TNRC6B: variants seen among roughly 807,000 people sequenced by gnomAD.
The protein encoded by TNRC6B is trinucleotide repeat-containing gene 6B protein.
TNRC6B carries 52 observed loss-of-function variants against 203.6 expected under a neutral mutation model. That is an observed-to-expected ratio of 0.26 (90% CI 0.20 to 0.32). TNRC6B has a LOEUF of 0.32. TNRC6B is among the 10% of genes least tolerant of loss of function. TNRC6B has a pLI of 1.00. For missense variants in TNRC6B, 1,923 were observed against 2,286.2 expected, an observed-to-expected ratio of 0.84 and a Z score of 3.24; for synonymous variants, 838 against 845.7, an observed-to-expected ratio of 0.99 and a Z score of 0.16.
intron 3 of TNRC6B, among the ~76,000 whole-genome samples, chr22:40,261,532 T>G (rs2070381914): frequency 6.6e-6 from 1 of 151,700 alleles, no homozygotes; most frequent in Non-Finnish European, 1.5e-5. Context: ...GAGCGGAGAT[T>G]GCACCACTGC....
intron 20 of TNRC6B, 131 bp downstream of exon 20, chr22:40,315,638 G>A: frequency 1.9e-6 from 2 of 1,077,828 alleles, no homozygotes; most frequent in Non-Finnish European, 2.6e-6. Context: ...TTCTGGTAGA[G>A]GAAAAGGTAC....
intron 1 of TNRC6B, among the ~76,000 whole-genome samples, chr22:40,096,428 C>T (rs1008676276): frequency 2.0e-5 from 3 of 152,174 alleles, no homozygotes; most frequent in African/African-American, 4.8e-5. Flanking sequence ...ATTAACTGAG[C>T]CCTGGATCAA....
At chr22:40,272,060 T>C (rs1338296796) in intron 6 of TNRC6B, among the ~76,000 whole-genome samples, 1 of 152,230 alleles carries the variant, frequency 6.6e-6, no homozygotes, top group African/African-American at 2.4e-5. Flanking sequence ...TTATTTATAT[T>C]GGGTTTTTAG....
At position 40,334,300 on chromosome 22, in the gene TNRC6B, G is replaced by C. The variant is rs1026265402; in HGVS notation, c.*11059G>C. 2.0e-5 allele frequency: 3 copies of C among 152,574 alleles called. No homozygotes were observed. The highest frequency in any genetic ancestry group is 7.2e-5 in the African/African-American group (3 of 41,412). 9.5% of individuals were successfully genotyped at this position (152,574 alleles called of 1,614,324 possible). A position where few individuals can be genotyped will look rare whatever the true frequency, so the allele number is the denominator to read the frequency against. On this transcript the variant is annotated 3_prime_UTR_variant, in exon 23 of 23. Coordinates refer to ENST00000454349, the MANE Select transcript of TNRC6B (RefSeq NM_001162501.2). Reference sequence around the variant, plus strand: ...CATGCACCGTGAATGTGCTCACAGAGACACGTGCACAAGATTCTGCACCCT... The same window carrying C: ...CATGCACCGTGAATGTGCTCACAGACACACGTGCACAAGATTCTGCACCCT...
chr22:40,166,710 C>T (rs2068922708), intron 4 of TNRC6B, among the ~76,000 whole-genome samples: 1 of 152,002 alleles, frequency 6.6e-6, no homozygotes, highest in South Asian at 2.1e-4. Flanking sequence ...GCCTGGCCAA[C>T]ATGGTGAAAC....
intron 1 of TNRC6B, among the ~76,000 whole-genome samples, chr22:40,219,536 T>A (rs1353815292): frequency 6.6e-6 from 1 of 152,128 alleles, no homozygotes; most frequent in East Asian, 1.9e-4. Flanking sequence ...GTTCAGGCAT[T>A]CACCGTGCCC....
intron 3 of TNRC6B, among the ~76,000 whole-genome samples, chr22:40,251,898 G>C (rs1178461788): frequency 6.6e-6 from 1 of 152,088 alleles, no homozygotes; most frequent in Non-Finnish European, 1.5e-5. Context: ...TTGCACCTAG[G>C]ATGTTTACTC....
At chr22:40,211,994 A>G (rs1018888633) in intron 1 of TNRC6B, among the ~76,000 whole-genome samples, 3 of 152,230 alleles carry the variant, frequency 2.0e-5, no homozygotes, top group Non-Finnish European at 2.9e-5. Context: ...TTTTGCAATT[A>G]CAAATGTGGT....
intron 8 of TNRC6B, 43 bp from the exon 9 acceptor site, chr22:40,277,956 A>G: frequency 6.9e-7 from 1 of 1,441,526 alleles, no homozygotes; most frequent in Non-Finnish European, 9.6e-7. Flanking sequence ...TGATTCAAAG[A>G]TGTGCATCCT....
At chr22:40,222,728 CTTTTTTTTTTTTTTTTTTTT>C (rs61374373) in intron 1 of TNRC6B, among the ~76,000 whole-genome samples, 5 of 40,184 alleles carry the variant, frequency 1.2e-4, no homozygotes, top group African/African-American at 5.1e-4. Context: ...CTCTCTCTCT[CTTTTTTTTTTTTTTTTTTTT>C]TTTTTTTTTT....
chr22:40,307,642 C>T (rs1222529889), intron 15 of TNRC6B, among the ~76,000 whole-genome samples: 1 of 152,122 alleles, frequency 6.6e-6, no homozygotes, highest in African/African-American at 2.4e-5. Flanking sequence ...CAAGACTCTT[C>T]CCCTGAAGCT....
chr22:40,137,848 G>A (rs1394703080), intron 3 of TNRC6B, among the ~76,000 whole-genome samples: 1 of 152,172 alleles, frequency 6.6e-6, no homozygotes, highest in South Asian at 2.1e-4. Context: ...GCCGGGCATG[G>A]TGGCAGGCGC....
intron 1 of TNRC6B, among the ~76,000 whole-genome samples, chr22:40,235,855 T>C (rs572831356): frequency 6.6e-6 from 1 of 152,344 alleles, no homozygotes; most frequent in East Asian, 1.9e-4. Flanking sequence ...ATTTCTCAAA[T>C]TCCTTTTGAC....
chr22:40,235,651 A>C (rs1380186201), intron 1 of TNRC6B, among the ~76,000 whole-genome samples: 1 of 152,202 alleles, frequency 6.6e-6, no homozygotes, highest in Non-Finnish European at 1.5e-5. Flanking sequence ...ACACCACTAA[A>C]ATTCCTGGGA....
intron 3 of TNRC6B, among the ~76,000 whole-genome samples, chr22:40,132,259 G>A (rs773976813): frequency 9.9e-5 from 15 of 152,140 alleles, no homozygotes; most frequent in Non-Finnish European, 1.9e-4. Flanking sequence ...CCAGCTACTC[G>A]GGAGGCTGAG....
intron 1 of TNRC6B, among the ~76,000 whole-genome samples, chr22:40,069,910 TGTTA>T (rs994047303): frequency 3.9e-5 from 6 of 152,134 alleles, no homozygotes; most frequent in African/African-American, 7.2e-5. Flanking sequence ...GTTTCTGGCA[TGTTA>T]GTTGTGTTGT....
At chr22:40,288,358 A>G (rs2070816343) in intron 12 of TNRC6B, among the ~76,000 whole-genome samples, 1 of 152,212 alleles carries the variant, frequency 6.6e-6, no homozygotes, top group Non-Finnish European at 1.5e-5. Flanking sequence ...CCACTGCTGT[A>G]GACAATATAC....
In TNRC6B at chr22:40,335,301, G is replaced by GCC. The variant is rs2044021252; in HGVS notation, c.*12064_*12065dup. On this transcript the variant is annotated 3_prime_UTR_variant, in exon 23 of 23. Transcript: ENST00000454349. ...GAGGTGCACTTGCATGGCAGGCTGGGCCCCCTTTTCTATATTTTATTTTCC... is the reference window on the plus strand; with the variant it reads ...GAGGTGCACTTGCATGGCAGGCTGGGCCCCCCCTTTTCTATATTTTATTTTCC... 1 of 150,222 alleles carries GCC rather than the reference G, an allele frequency of 6.7e-6. No individual in the cohort carries two copies. The highest frequency in any genetic ancestry group is 2.4e-5 in the African/African-American group (1 of 40,832). The allele number at this position is 150,222 out of a possible 1,614,324, so 9.3% of individuals were successfully genotyped here.
intron 1 of TNRC6B, among the ~76,000 whole-genome samples, chr22:40,045,816 A>C (rs974422006): frequency 6.6e-6 from 1 of 152,192 alleles, no homozygotes; most frequent in African/African-American, 2.4e-5. Flanking sequence ...GGTCACCTCT[A>C]GTCAAGCGCC....
Sources: gnomAD v4.1 joint callset for allele counts (sites outside exome capture counted in the v4.1 genomes callset) on GRCh38, gnomAD v4.1.1 for gene constraint, MANE v1.5 for transcripts, NCBI Gene and HGNC (gene_info 2026-07-23, HGNC 2026-07-21) for gene names.